The following CRK variants were observed in gnomAD, a reference collection of about 807,000 sequenced individuals.
The protein encoded by CRK is adapter molecule crk.
In CRK, 4 loss-of-function variants were observed where a neutral mutation model predicts 29.8. The observed-to-expected ratio is 0.13, with a 90% CI of 0.07 to 0.31. CRK has a LOEUF of 0.31. Among genes scored for constraint, CRK ranks in the 10% least tolerant of loss-of-function variants. The probability of loss-of-function intolerance (pLI) is 1.00; values close to 1 mark genes in which losing one functional copy is unlikely to be tolerated. For missense variants in CRK, 274 were observed against 396.5 expected (o/e 0.69, Z 2.62); for synonymous variants, 153 against 164.9 (o/e 0.93, Z 0.55).
rs2073775065 is a variant in CRK, at chr17:1,425,900, TAGC to T, written c.778-2253_778-2251del. Among the ~76,000 whole-genome samples the T allele has an allele frequency of 2.0e-5, 3 of 152,076 alleles. No homozygotes were observed. The East Asian group carries it at 5.8e-4, about 29-fold the overall frequency. On this transcript the variant is annotated intron_variant, in intron 2 of 2. Transcript: ENST00000300574. ...TAAGACACAGAGGTTGAGAAAAAAA[TAGC>T]AGCAGGCTTGGTGCAGTGGCTCATG...
In CRK at chr17:1,446,590, C is replaced by CTT. The variant is rs56660089; in HGVS notation, c.241+9285_241+9286dup. 8.1e-3 allele frequency among the ~76,000 whole-genome samples: 1,010 copies of CTT among 125,446 alleles called. 40 individuals carry two copies. The highest frequency in any genetic ancestry group is 0.02 in the African/African-American group (650 of 33,172). The allele number at this position is 125,446 out of a possible 152,430, so 82.3% of individuals were successfully genotyped here. A position where few individuals can be genotyped will look rare whatever the true frequency, so the allele number is the denominator to read the frequency against. ...ATAGCGTGAACTGGGCTCACTATGA[C>CTT]TTTTTTTTTTTTTTTTTTTGAGGCG... On this transcript the variant is annotated intron_variant, in intron 1 of 2. Coordinates refer to ENST00000300574, the MANE Select transcript of CRK (RefSeq NM_016823.4).
intron 1 of CRK, among the ~76,000 whole-genome samples, chr17:1,444,695 G>A (rs1347889975): frequency 2.6e-5 from 4 of 151,622 alleles, no homozygotes; most frequent in Non-Finnish European, 4.4e-5. Flanking sequence ...TTAGCCAGGC[G>A]TGAGTCTCAT....
At chr17:1,428,745 A>T (rs2073806848) in intron 2 of CRK, among the ~76,000 whole-genome samples, 1 of 150,420 alleles carries the variant, frequency 6.6e-6, no homozygotes, top group Non-Finnish European at 1.5e-5. Context: ...GCTGGTCTTG[A>T]ACTCCTGACC....
intron 1 of CRK, among the ~76,000 whole-genome samples, chr17:1,442,702 T>C (rs920437250): frequency 1.4e-5 from 2 of 147,298 alleles, no homozygotes; most frequent in African/African-American, 2.5e-5. Context: ...CCACCCTCTG[T>C]GTTCAAGCAA....
At chr17:1,448,393 G>A (rs2073991156) in intron 1 of CRK, among the ~76,000 whole-genome samples, 1 of 152,116 alleles carries the variant, frequency 6.6e-6, no homozygotes, top group Non-Finnish European at 1.5e-5. Context: ...GGGTGGCAGA[G>A]CCAGGCAAAT....
intron 2 of CRK, among the ~76,000 whole-genome samples, chr17:1,434,316 CACATGA>C (rs1254106255): frequency 1.3e-5 from 2 of 152,060 alleles, no homozygotes; most frequent in African/African-American, 4.8e-5. Flanking sequence ...TTTAACAGTC[CACATGA>C]ACAGAAAAAA....
At chr17:1,431,676 C>A (rs144678559) in intron 2 of CRK, among the ~76,000 whole-genome samples, 1 of 152,270 alleles carries the variant, frequency 6.6e-6, no homozygotes, top group African/African-American at 2.4e-5. Context: ...CAGCCTTGAC[C>A]TCCCAGGCTG....
At chr17:1,435,340 C>T (rs1423639304) in intron 2 of CRK, among the ~76,000 whole-genome samples, 3 of 152,126 alleles carry the variant, frequency 2.0e-5, no homozygotes, top group Non-Finnish European at 4.4e-5. Flanking sequence ...GTATGAGCCA[C>T]ACGCCCAGCC....
intron 2 of CRK, chr17:1,426,479 C>T (rs2073780155): frequency 6.6e-6 from 1 of 152,248 alleles, no homozygotes; most frequent in Admixed American, 6.6e-5. Flanking sequence ...CGTCTTTAAT[C>T]CCAGCACTTT....
Position 1,422,631 on chromosome 17 carries a change from A to G in CRK, c.*882T>C, listed in dbSNP as rs1161180900. 1 of 270,022 alleles carries G rather than the reference A, an allele frequency of 3.7e-6. No homozygotes were observed. The highest frequency in any genetic ancestry group is 6.9e-6 in the Non-Finnish European group (1 of 145,088). 16.7% of individuals were successfully genotyped at this position (270,022 alleles called of 1,614,324 possible). On this transcript the variant is annotated 3_prime_UTR_variant, in exon 3 of 3. Coordinates refer to ENST00000300574, the MANE Select transcript of CRK (RefSeq NM_016823.4). The stretch of plus-strand genomic sequence containing the variant: ...CTCTTGAGTAGAACCTAAGAATTCC[A>G]AGAGTCTCCTAATAGGATACTGGCC...
At chr17:1,425,591 G>A (rs1238040635) in intron 2 of CRK, among the ~76,000 whole-genome samples, 1 of 152,178 alleles carries the variant, frequency 6.6e-6, no homozygotes, top group Non-Finnish European at 1.5e-5. Flanking sequence ...CACCATTTAT[G>A]CATTTCATAC....
intron 2 of CRK, among the ~76,000 whole-genome samples, chr17:1,436,368 T>G (rs2073886404): frequency 6.6e-6 from 1 of 152,140 alleles, no homozygotes; most frequent in South Asian, 2.1e-4. Context: ...TCAGGTGGTG[T>G]TATTAAAGTA....
At chr17:1,447,492 A>C (rs1283836648) in intron 1 of CRK, among the ~76,000 whole-genome samples, 1 of 151,916 alleles carries the variant, frequency 6.6e-6, no homozygotes, top group Non-Finnish European at 1.5e-5. Flanking sequence ...TCCCTCCCTG[A>C]AGGTTTCATG....
intron 1 of CRK, among the ~76,000 whole-genome samples, chr17:1,449,447 C>A (rs1009553533): frequency 6.6e-6 from 1 of 152,148 alleles, no homozygotes; most frequent in Non-Finnish European, 1.5e-5. Context: ...TATGCCAGTA[C>A]TGAATATGGA....
intron 1 of CRK, among the ~76,000 whole-genome samples, chr17:1,443,282 G>A (rs938173380): frequency 1.8e-4 from 28 of 151,876 alleles, no homozygotes; most frequent in African/African-American, 6.0e-4. Flanking sequence ...GCACCCGGCC[G>A]CAGCCTCCAC....
intron 1 of CRK, among the ~76,000 whole-genome samples, chr17:1,439,645 T>C (rs1325045994): frequency 8.6e-5 from 13 of 150,886 alleles, no homozygotes; most frequent in Admixed American, 8.6e-4. Flanking sequence ...GCTCAGGAGT[T>C]CAAGACCAAC....
intron 2 of CRK, 77 bp downstream of exon 2, chr17:1,436,543 T>C (rs970226052): frequency 4.9e-5 from 71 of 1,457,776 alleles, no homozygotes; most frequent in Admixed American, 2.0e-4. Flanking sequence ...GTAGTCAGCA[T>C]TGCTACAAAG....
Position 1,456,188 on chromosome 17 carries a change from C to T in CRK, c.-71G>A, listed in dbSNP as rs1168656921. The T allele has an allele frequency of 2.6e-5, 36 of 1,362,958 alleles. No individual in the cohort carries two copies. The highest frequency in any genetic ancestry group is 3.3e-5 in the Non-Finnish European group (35 of 1,062,824). 84.4% of individuals were successfully genotyped at this position (1,362,958 alleles called of 1,614,324 possible). A position where few individuals can be genotyped will look rare whatever the true frequency, so the allele number is the denominator to read the frequency against. ...CCCTCCGGCCCCCGGCGCCCGCCGCCCAGCGGACCGGCTCCGGTTTCAGCT... is the reference window on the plus strand; with the variant it reads ...CCCTCCGGCCCCCGGCGCCCGCCGCTCAGCGGACCGGCTCCGGTTTCAGCT... On this transcript the variant is annotated 5_prime_UTR_variant, in exon 1 of 3. Transcript: ENST00000300574.
intron 1 of CRK, among the ~76,000 whole-genome samples, chr17:1,441,821 T>C (rs930239966): frequency 3.3e-5 from 5 of 151,918 alleles, no homozygotes; most frequent in African/African-American, 1.2e-4. Flanking sequence ...ATTTTTTTTA[T>C]AGAGACAGTG....
Sources: allele counts gnomAD v4.1 joint callset (sites outside exome capture counted in the v4.1 genomes callset), GRCh38; gene constraint gnomAD v4.1.1; transcripts MANE v1.5; gene names NCBI Gene and HGNC (gene_info 2026-07-23, HGNC 2026-07-21).